The following CCDC158 variants were observed in gnomAD, a reference collection of about 807,000 sequenced individuals.
CCDC158 encodes the protein coiled-coil domain-containing protein 158.
Under a neutral mutation model 138.6 loss-of-function variants are expected in CCDC158, and 116 were observed. The ratio of observed to expected loss-of-function variants is 0.84; its 90% confidence interval spans 0.72 to 0.98. The LOEUF (loss-of-function observed/expected upper bound fraction) is 0.98, where lower values mean the gene tolerates loss of function less well. CCDC158 is among the 50% of genes least tolerant of loss of function. CCDC158 has a pLI of 0.00. For missense variants in CCDC158, 1,265 were observed against 1,306.1 expected (o/e 0.97, Z 0.48); for synonymous variants, 436 against 442.4 (o/e 0.99, Z 0.18).
chr4:76,324,986 T>A (rs1163773656), intron 23 of CCDC158, among the ~76,000 whole-genome samples: 1 of 152,228 alleles, frequency 6.6e-6, no homozygotes, highest in Non-Finnish European at 1.5e-5. Context: ...TCAGTCTCTT[T>A]CTTCAGCCTC....
intron 1 of CCDC158, among the ~76,000 whole-genome samples, chr4:76,412,349 A>G (rs555573755): frequency 2.1e-4 from 32 of 152,346 alleles, no homozygotes; most frequent in Middle Eastern, 3.4e-3. Context: ...ATGGTGGCTA[A>G]TACCTGTAAT....
At chr4:76,384,024 T>G in intron 6 of CCDC158, 64 bp downstream of exon 6, 5 of 1,157,724 alleles carry the variant, frequency 4.3e-6, no homozygotes, top group Non-Finnish European at 6.0e-6. Flanking sequence ...AAATTATACA[T>G]CTAATGCTAT....
chr4:76,389,526 A>T (rs1160803804), intron 4 of CCDC158, among the ~76,000 whole-genome samples: 2 of 152,216 alleles, frequency 1.3e-5, no homozygotes, highest in African/African-American at 2.4e-5. Context: ...TTAGAGAAGA[A>T]GATAGGGGTA....
At chr4:76,314,749 A>T (rs571570971) in intron 24 of CCDC158, among the ~76,000 whole-genome samples, 94 of 152,304 alleles carry the variant, frequency 6.2e-4, no homozygotes, top group Admixed American at 2.4e-3. Flanking sequence ...AGCCCAGGGA[A>T]GCCATCCCTG....
intron 18 of CCDC158, chr4:76,345,192 T>C: frequency 2.1e-6 from 2 of 972,038 alleles, no homozygotes; most frequent in East Asian, 4.8e-5. Flanking sequence ...TGCTGTGCTA[T>C]TTGACAAACT....
At chr4:76,346,705 T>C (rs2110153802) in intron 18 of CCDC158, among the ~76,000 whole-genome samples, 1 of 151,930 alleles carries the variant, frequency 6.6e-6, no homozygotes, top group East Asian at 1.9e-4. Flanking sequence ...CAAGACTCCG[T>C]CTCAAAAAAA....
chr4:76,314,767 C>G (rs1051440460), intron 24 of CCDC158, among the ~76,000 whole-genome samples: 1 of 152,206 alleles, frequency 6.6e-6, no homozygotes, highest in Non-Finnish European at 1.5e-5. Context: ...CTGACTATAT[C>G]TCACAGGGGC....
chr4:76,348,366 C>T lies in CCDC158; in HGVS notation c.2664+2630G>A, dbSNP rs183058356. Among the ~76,000 whole-genome samples, 713 of 137,066 alleles carry T rather than the reference C, an allele frequency of 5.2e-3. 5 individuals carry two copies. The highest frequency in any genetic ancestry group is 0.048 in the Middle Eastern group (12 of 248). 89.9% of individuals were successfully genotyped at this position (137,066 alleles called of 152,430 possible). On this transcript the variant is annotated intron_variant, in intron 18 of 24. Coordinates refer to ENST00000682701, the MANE Select transcript of CCDC158 (RefSeq NM_001394954.1). ...AGGAGAATGGCGTGAACCCGGAAGGCGGAGCTTGTGGTGAGCTGAGATTGT... is the reference window on the plus strand; with the variant it reads ...AGGAGAATGGCGTGAACCCGGAAGGTGGAGCTTGTGGTGAGCTGAGATTGT...
At chr4:76,352,867 CT>C in intron 16 of CCDC158, 1 of 339,706 alleles carries the variant, frequency 2.9e-6, no homozygotes, top group Non-Finnish European at 5.2e-6. Flanking sequence ...CATCTTACAT[CT>C]TTGATCTTAC....
Position 76,369,582 on chromosome 4 carries a change from C to T in CCDC158, c.1191G>A (p.Lys397=), listed in dbSNP as rs545076452. 1 of 1,614,174 alleles carries T rather than the reference C, an allele frequency of 6.2e-7. No individual in the cohort carries two copies. The highest frequency in any genetic ancestry group is 1.7e-5 in the Admixed American group (1 of 60,032). Residue 397 remains lysine, a synonymous_variant, in exon 11 of 25, where the codon AAG becomes AAA. Transcript: ENST00000682701. Reference sequence around the variant, plus strand: ...GGTCCCACAGACGCTTATTCTGCTCCTTCTCCAGACTCAGCTCCTTCTCCC... The same window carrying T: ...GGTCCCACAGACGCTTATTCTGCTCTTTCTCCAGACTCAGCTCCTTCTCCC... ...HKREKELSLE[K]EQNKRLWDRD...
intron 24 of CCDC158, among the ~76,000 whole-genome samples, chr4:76,319,465 A>AATATATATATATAT (rs1304922131): frequency 4.9e-4 from 11 of 22,236 alleles, no homozygotes; most frequent in Non-Finnish European, 8.4e-4. Context: ...AAAAAAAAAA[A>AATATATATATATAT]ATATATATAT....
intron 18 of CCDC158, among the ~76,000 whole-genome samples, chr4:76,344,294 C>A (rs1162086915): frequency 6.6e-6 from 1 of 152,154 alleles, no homozygotes; most frequent in Admixed American, 6.5e-5. Context: ...ATACAACTAA[C>A]AAGGGATGTG....
Position 76,357,514 on chromosome 4 carries a change from A to G in CCDC158, c.2033T>C (p.Val678Ala). The change falls in exon 14 of 25, where the codon GTC becomes GCC. Residue 678 changes from valine to alanine, a missense_variant. Val to Ala is a moderately conservative substitution (Grantham distance 64, BLOSUM62 0). Coordinates refer to ENST00000682701, the MANE Select transcript of CCDC158 (RefSeq NM_001394954.1). ...ELNNLSEEYE[V>A]LKRNFRNKSE... ...TTTGTTTCGGAAATTCCTTTTTAAG[A>G]CTTCATACTCCTCTATACAATGTGA... 6.3e-7 allele frequency: 1 copy of G among 1,586,912 alleles called. No individual in the cohort carries two copies. Among genetic ancestry groups the G allele is most frequent in the Non-Finnish European group, 8.6e-7 (1 of 1,163,050 alleles).
Position 76,326,083 on chromosome 4 carries a change from AAAGTC to A in CCDC158, c.3011-73_3011-69del. 6 of 1,264,270 alleles carry A rather than the reference AAAGTC, an allele frequency of 4.7e-6. No homozygotes were observed. The South Asian group carries it at 8.4e-5, about 18-fold the overall frequency. 78.3% of individuals were successfully genotyped at this position (1,264,270 alleles called of 1,614,324 possible). A position where few individuals can be genotyped will look rare whatever the true frequency, so the allele number is the denominator to read the frequency against. On this transcript the variant is annotated intron_variant, in intron 22 of 24. Transcript: ENST00000682701. Reference sequence around the variant, plus strand: ...AAAAATAGCAAACTGCACCTCTCAAAAAGTCAAGCTTTCATGAGAAAATGTTCCCA... The same window carrying A: ...AAAAATAGCAAACTGCACCTCTCAAAAAGCTTTCATGAGAAAATGTTCCCA...
At chr4:76,418,256 T>C (rs769685673) in intron 1 of CCDC158, among the ~76,000 whole-genome samples, 1 of 152,126 alleles carries the variant, frequency 6.6e-6, no homozygotes, top group Non-Finnish European at 1.5e-5. Flanking sequence ...TAAAAGCAGA[T>C]GGTGCTGGGG....
At chr4:76,376,072 T>A (rs559326283) in intron 9 of CCDC158, among the ~76,000 whole-genome samples, 1 of 151,712 alleles carries the variant, frequency 6.6e-6, no homozygotes, top group East Asian at 1.9e-4. Flanking sequence ...TTTTTTTTTC[T>A]GAGACAGGGT....
chr4:76,421,514 C>A (rs892876612), upstream of CCDC158, among the ~76,000 whole-genome samples: 9 of 152,116 alleles, frequency 5.9e-5, no homozygotes, highest in African/African-American at 1.9e-4. Context: ...CTCTTGCCCC[C>A]ACCCGAGCGC....
At chr4:76,338,392 G>A (rs1469776916) in intron 18 of CCDC158, among the ~76,000 whole-genome samples, 1 of 152,092 alleles carries the variant, frequency 6.6e-6, no homozygotes, top group African/African-American at 2.4e-5. Context: ...TATGCCTGTA[G>A]TCCCAGCTAC....
chr4:76,366,305 C>CAAAAAAA (rs1724651982), intron 12 of CCDC158, among the ~76,000 whole-genome samples: 1 of 152,078 alleles, frequency 6.6e-6, no homozygotes, highest in South Asian at 2.1e-4. Flanking sequence ...ATTTTTAATG[C>CAAAAAAA]AATGAACTTG....
Sources: gnomAD v4.1 joint callset for allele counts (sites outside exome capture counted in the v4.1 genomes callset) on GRCh38, gnomAD v4.1.1 for gene constraint, MANE v1.5 for transcripts, NCBI Gene and HGNC (gene_info 2026-07-23, HGNC 2026-07-21) for gene names.